Variants in SAMMSON observed in about 807,000 individuals in gnomAD.
SAMMSON encodes the protein survival associated mitochondrial melanoma specific oncogenic non-coding RNA, also known as long intergenic non-protein coding RNA 1212.
chr3:70,176,705 A>G (rs1183608165), intron 4 of SAMMSON, among the ~76,000 whole-genome samples: 1 of 152,230 alleles, frequency 6.6e-6, no homozygotes, highest in Non-Finnish European at 1.5e-5. Flanking sequence ...TTTAATTTGT[A>G]TACTAAAAAG....
chr3:70,049,762 A>C (rs910725330), intron 3 of SAMMSON, among the ~76,000 whole-genome samples: 1 of 152,138 alleles, frequency 6.6e-6, no homozygotes, highest in Non-Finnish European at 1.5e-5. Context: ...AATTATTAAG[A>C]AACAGTACGT....
At chr3:70,248,025 T>C (rs945817141) in intron 4 of SAMMSON, among the ~76,000 whole-genome samples, 1 of 151,990 alleles carries the variant, frequency 6.6e-6, no homozygotes, top group Non-Finnish European at 1.5e-5. Flanking sequence ...TCCATCTTTG[T>C]AGTATTTGAA....
intron 7 of SAMMSON, chr3:70,332,788 G>T (rs1702631223): frequency 6.6e-6 from 1 of 152,264 alleles, no homozygotes; most frequent in African/African-American, 2.4e-5. Flanking sequence ...TAGAGACGGG[G>T]TTTCACCGTT....
At chr3:70,165,742 G>C (rs1366598744) in intron 4 of SAMMSON, among the ~76,000 whole-genome samples, 5 of 151,908 alleles carry the variant, frequency 3.3e-5, no homozygotes. Context: ...ATGCTTCTCT[G>C]TCTACTCTTT....
intron 2 of SAMMSON, among the ~76,000 whole-genome samples, chr3:70,395,057 G>T (rs972630): frequency 0.86 from 131,278 of 152,252 alleles, 57,074 homozygotes; most frequent in East Asian, 0.99. Context: ...AGTATCACCT[G>T]TTTGTTTCTG....
chr3:70,246,578 A>T (rs1300239676), intron 4 of SAMMSON, among the ~76,000 whole-genome samples: 3 of 152,116 alleles, frequency 2.0e-5, no homozygotes, highest in African/African-American at 7.2e-5. Flanking sequence ...AGTTGTTAGT[A>T]TAAGGATGTT....
intron 3 of SAMMSON, among the ~76,000 whole-genome samples, chr3:70,070,842 T>C (rs1259639342): frequency 6.6e-6 from 1 of 152,048 alleles, no homozygotes; most frequent in East Asian, 1.9e-4. Flanking sequence ...ATTCAGAGCT[T>C]TTTATTTTGT....
chr3:70,390,920 TGTAA>T (rs1004916271), downstream of SAMMSON, among the ~76,000 whole-genome samples: 26 of 152,272 alleles, frequency 1.7e-4, no homozygotes, highest in Non-Finnish European at 3.4e-4. Context: ...AACAAAAATT[TGTAA>T]GTGTTTGTTG....
At chr3:70,212,318 C>A (rs1426041612) in intron 4 of SAMMSON, among the ~76,000 whole-genome samples, 1 of 152,116 alleles carries the variant, frequency 6.6e-6, no homozygotes, top group Non-Finnish European at 1.5e-5. Context: ...GAAATCCTTT[C>A]AATTATGATG....
chr3:70,003,364 CCTAT>C (rs1444924517), intron 1 of SAMMSON, among the ~76,000 whole-genome samples: 1 of 151,878 alleles, frequency 6.6e-6, no homozygotes, highest in Non-Finnish European at 1.5e-5. Context: ...CAGAGTGTCT[CCTAT>C]CTATCTAGCC....
chr3:70,271,134 A>AT (rs1701972694), intron 6 of SAMMSON, among the ~76,000 whole-genome samples: 1 of 152,182 alleles, frequency 6.6e-6, no homozygotes, highest in Non-Finnish European at 1.5e-5. Flanking sequence ...TGCAAAAGTC[A>AT]TTGTGGTTTT....
chr3:70,306,092 T>C (rs1334207850), intron 7 of SAMMSON, among the ~76,000 whole-genome samples: 1 of 152,152 alleles, frequency 6.6e-6, no homozygotes, highest in Non-Finnish European at 1.5e-5. Flanking sequence ...TTCACCTAAA[T>C]AATGGAGTTT....
intron 4 of SAMMSON, among the ~76,000 whole-genome samples, chr3:70,151,135 C>T (rs2067570547): frequency 6.6e-6 from 1 of 151,778 alleles, no homozygotes; most frequent in Admixed American, 6.6e-5. Context: ...TGAGAAGTCT[C>T]AAAAAGCAAA....
At chr3:70,424,377 G>A (rs1042093213) in intron 2 of SAMMSON, among the ~76,000 whole-genome samples, 1 of 152,002 alleles carries the variant, frequency 6.6e-6, no homozygotes, top group Non-Finnish European at 1.5e-5. Context: ...AGGTAATTTA[G>A]GAATCTTTAA....
At chr3:70,377,949 G>A (rs905712255) in intron 9 of SAMMSON, among the ~76,000 whole-genome samples, 10 of 151,878 alleles carry the variant, frequency 6.6e-5, no homozygotes, top group Non-Finnish European at 1.3e-4. Context: ...AATAAGTACT[G>A]GTGGAGTACA....
Position 70,000,290 on chromosome 3 carries a change from G to A in SAMMSON, n.22+423G>A, listed in dbSNP as rs187245493. Among the ~76,000 whole-genome samples, 32 of 152,286 alleles carry A rather than the reference G, an allele frequency of 2.1e-4. No homozygotes were observed. In the East Asian group the frequency reaches 6.0e-3, roughly 29 times the overall value. Reference sequence around the variant, plus strand: ...CTCCTCTAGAGGTCTGAGCAGCGGGGCGCTGAAGAAACGAGCCACACTCCC... The same window carrying A: ...CTCCTCTAGAGGTCTGAGCAGCGGGACGCTGAAGAAACGAGCCACACTCCC... On this transcript the variant is annotated intron_variant and non_coding_transcript_variant, in intron 1 of 9. Transcript: ENST00000642114.
At chr3:70,169,499 T>C (rs1477855793) in intron 4 of SAMMSON, among the ~76,000 whole-genome samples, 1 of 152,040 alleles carries the variant, frequency 6.6e-6, no homozygotes, top group Non-Finnish European at 1.5e-5. Context: ...GACATGTCTA[T>C]GAAATATTTA....
At chr3:70,308,223 T>C (rs1702421124) in intron 7 of SAMMSON, among the ~76,000 whole-genome samples, 1 of 144,348 alleles carries the variant, frequency 6.9e-6, no homozygotes, top group Non-Finnish European at 1.5e-5. Flanking sequence ...GCTAATTTTA[T>C]TTTTTTGTTT....
chr3:70,351,732 T>G (rs1268231119), intron 7 of SAMMSON, among the ~76,000 whole-genome samples: 2 of 152,044 alleles, frequency 1.3e-5, no homozygotes, highest in African/African-American at 4.8e-5. Context: ...AAAAGCCTCC[T>G]CTCTCTAACC....
Sources: gnomAD v4.1 joint callset for allele counts (sites outside exome capture counted in the v4.1 genomes callset) on GRCh38, gnomAD v4.1.1 for gene constraint, MANE v1.5 for transcripts, NCBI Gene and HGNC (gene_info 2026-07-23, HGNC 2026-07-21) for gene names.